The following CCSER1 variants were observed in gnomAD, a reference collection of about 807,000 sequenced individuals.
The protein encoded by CCSER1 is serine-rich coiled-coil domain-containing protein 1.
Under a neutral mutation model 82.0 loss-of-function variants are expected in CCSER1, and 41 were observed. That is an observed-to-expected ratio of 0.50 (90% CI 0.39 to 0.65). CCSER1 has a LOEUF of 0.65. Among genes scored for constraint, CCSER1 ranks in the 30% least tolerant of loss-of-function variants. CCSER1 has a pLI of 0.00. For missense variants in CCSER1, 1,119 were observed against 1,064.2 expected (o/e 1.05, Z -0.72); for synonymous variants, 414 against 383.9 (o/e 1.08, Z -0.92).
At chr4:90,798,556 C>T (rs1342350545) in intron 7 of CCSER1, among the ~76,000 whole-genome samples, 1 of 152,118 alleles carries the variant, frequency 6.6e-6, no homozygotes, top group Non-Finnish European at 1.5e-5. Context: ...GGCCTTCTGG[C>T]TTTTTGGGTT....
chr4:91,600,925 C>G lies in CCSER1; in HGVS notation c.*1868C>G, dbSNP rs1389355915. On this transcript the variant is annotated 3_prime_UTR_variant, in exon 11 of 11. Transcript: ENST00000509176. ...TACTTTGGAAGCTATAATGATCATGCAGATATACACTTTGGGCTGGGCAAT... is the reference window on the plus strand; with the variant it reads ...TACTTTGGAAGCTATAATGATCATGGAGATATACACTTTGGGCTGGGCAAT... The G allele has an allele frequency of 6.6e-6, 1 of 152,022 alleles. No homozygotes were observed. The highest frequency in any genetic ancestry group is 6.6e-5 in the Admixed American group (1 of 15,230). 9.4% of individuals were successfully genotyped at this position (152,022 alleles called of 1,614,324 possible).
intron 10 of CCSER1, among the ~76,000 whole-genome samples, chr4:91,133,623 T>C (rs1728195339): frequency 6.6e-6 from 1 of 152,172 alleles, no homozygotes; most frequent in South Asian, 2.1e-4. Context: ...ATAACACATA[T>C]ATTTCCTAAC....
chr4:91,464,680 CA>C (rs879296493), intron 10 of CCSER1, among the ~76,000 whole-genome samples: 1 of 151,810 alleles, frequency 6.6e-6, no homozygotes. Flanking sequence ...AAATGGAAAA[CA>C]AAAAAATGGC....
intron 5 of CCSER1, among the ~76,000 whole-genome samples, chr4:90,478,700 A>C (rs574287203): frequency 1.3e-5 from 2 of 151,936 alleles, no homozygotes; most frequent in South Asian, 4.2e-4. Context: ...ATGACAATTT[A>C]AAAAAAGAAT....
chr4:91,508,166 T>C (rs971704768), intron 10 of CCSER1, among the ~76,000 whole-genome samples: 1 of 145,312 alleles, frequency 6.9e-6, no homozygotes, highest in Non-Finnish European at 1.5e-5. Flanking sequence ...TTCTGGGTTT[T>C]TTTTTTTTTT....
intron 6 of CCSER1, among the ~76,000 whole-genome samples, chr4:90,673,677 A>G (rs1420438838): frequency 1.3e-5 from 2 of 151,976 alleles, no homozygotes; most frequent in African/African-American, 2.4e-5. Flanking sequence ...CATCTGTATT[A>G]TTGAGTAAGA....
At chr4:91,183,913 G>T (rs1320605946) in intron 10 of CCSER1, among the ~76,000 whole-genome samples, 1 of 152,156 alleles carries the variant, frequency 6.6e-6, no homozygotes, top group Non-Finnish European at 1.5e-5. Context: ...CCTAGAGCAG[G>T]TCATATCCAA....
chr4:90,993,469 T>C (rs1056448654), intron 9 of CCSER1, among the ~76,000 whole-genome samples: 1 of 152,058 alleles, frequency 6.6e-6, no homozygotes, highest in African/African-American at 2.4e-5. Context: ...CTTATTTTTT[T>C]TTTCTATCTC....
chr4:90,475,504 T>C (rs1200573609), intron 5 of CCSER1, among the ~76,000 whole-genome samples: 1 of 152,200 alleles, frequency 6.6e-6, no homozygotes, highest in Non-Finnish European at 1.5e-5. Flanking sequence ...CTCAAGTCTA[T>C]AGTGGATTTT....
At chr4:90,876,460 CATG>C (rs1767218767) in intron 8 of CCSER1, among the ~76,000 whole-genome samples, 1 of 152,070 alleles carries the variant, frequency 6.6e-6, no homozygotes, top group African/African-American at 2.4e-5. Flanking sequence ...AGGTTAATAA[CATG>C]ATATTTTAAG....
chr4:90,478,231 A>G (rs1560579644), intron 5 of CCSER1, among the ~76,000 whole-genome samples: 1 of 152,302 alleles, frequency 6.6e-6, no homozygotes, highest in East Asian at 1.9e-4. Context: ...CCCCTGATTG[A>G]TGGAAAAATC....
At chr4:91,253,267 G>A (rs1439159436) in intron 10 of CCSER1, among the ~76,000 whole-genome samples, 2 of 152,014 alleles carry the variant, frequency 1.3e-5, no homozygotes, top group Non-Finnish European at 1.5e-5. Context: ...TCTGAATAAC[G>A]TTTTCTTTTC....
chr4:91,429,054 T>C (rs1366436197), intron 10 of CCSER1, among the ~76,000 whole-genome samples: 1 of 152,028 alleles, frequency 6.6e-6, no homozygotes, highest in Non-Finnish European at 1.5e-5. Flanking sequence ...AAATACAGCA[T>C]TGATTTATCT....
intron 1 of CCSER1, among the ~76,000 whole-genome samples, chr4:90,244,124 T>C (rs928066212): frequency 6.6e-6 from 1 of 152,234 alleles, no homozygotes. Context: ...AAAGATTGTA[T>C]TATTTTCTCT....
At chr4:90,617,503 A>G (rs17830588) in intron 5 of CCSER1, among the ~76,000 whole-genome samples, 1,714 of 152,302 alleles carry the variant, frequency 0.011, 21 homozygotes, top group Middle Eastern at 0.02. Flanking sequence ...AAAGAAACTG[A>G]GATAACAGTC....
At chr4:91,484,502 A>T (rs1433669814) in intron 10 of CCSER1, among the ~76,000 whole-genome samples, 1 of 152,212 alleles carries the variant, frequency 6.6e-6, no homozygotes, top group Non-Finnish European at 1.5e-5. Flanking sequence ...TTGAAGAATG[A>T]TAGTTAACAA....
intron 9 of CCSER1, among the ~76,000 whole-genome samples, chr4:90,943,581 G>A (rs1251768806): frequency 6.6e-6 from 1 of 151,958 alleles, no homozygotes; most frequent in Non-Finnish European, 1.5e-5. Flanking sequence ...GAGAGAGAGA[G>A]AAAGAGGTTC....
intron 6 of CCSER1, among the ~76,000 whole-genome samples, chr4:90,699,892 A>G (rs953038969): frequency 1.3e-5 from 2 of 151,958 alleles, no homozygotes; most frequent in Admixed American, 6.6e-5. Context: ...TCCTTCCACC[A>G]TGTGAGCGCA....
chr4:90,492,491 T>G (rs1768209575), intron 5 of CCSER1, among the ~76,000 whole-genome samples: 1 of 152,184 alleles, frequency 6.6e-6, no homozygotes, highest in South Asian at 2.1e-4. Context: ...TTGATTTTTT[T>G]GAAGGGCTTT....
Sources: gnomAD v4.1 joint callset for allele counts (sites outside exome capture counted in the v4.1 genomes callset) on GRCh38, gnomAD v4.1.1 for gene constraint, MANE v1.5 for transcripts, NCBI Gene and HGNC (gene_info 2026-07-23, HGNC 2026-07-21) for gene names.